The following MEF2A variants were observed in gnomAD, a reference collection of about 807,000 sequenced individuals.
MEF2A encodes myocyte-specific enhancer factor 2A.
In MEF2A, 28 loss-of-function variants were observed where a neutral mutation model predicts 55.8. The observed-to-expected ratio is 0.50, with a 90% confidence interval of 0.37 to 0.69. MEF2A has a LOEUF of 0.69. Among genes scored for constraint, MEF2A ranks in the 30% least tolerant of loss-of-function variants. The probability of loss-of-function intolerance (pLI) is 0.00; values close to 1 mark genes in which losing one functional copy is unlikely to be tolerated. For missense variants in MEF2A, 528 were observed against 626.2 expected, an observed-to-expected ratio of 0.84 and a Z score of 1.67; for synonymous variants, 239 against 227.1, an observed-to-expected ratio of 1.05 and a Z score of -0.47.
intron 4 of MEF2A, among the ~76,000 whole-genome samples, chr15:99,662,151 A>C (rs1317239782): frequency 1.3e-5 from 2 of 152,190 alleles, no homozygotes; most frequent in Non-Finnish European, 2.9e-5. Flanking sequence ...GATGGTATTA[A>C]CTGTAAAGGT....
At chr15:99,682,237 C>T (rs1300536900) in intron 7 of MEF2A, among the ~76,000 whole-genome samples, 3 of 152,186 alleles carry the variant, frequency 2.0e-5, no homozygotes, top group Admixed American at 1.3e-4. Context: ...ATGGAATTGA[C>T]TGACCTATCT....
At chr15:99,668,539 G>T (rs975015242) in intron 4 of MEF2A, among the ~76,000 whole-genome samples, 1 of 152,220 alleles carries the variant, frequency 6.6e-6, no homozygotes, top group Non-Finnish European at 1.5e-5. Flanking sequence ...ATTTACTTTA[G>T]AATGGATTAT....
At chr15:99,697,406 TTAA>T (rs1306157122) in intron 8 of MEF2A, among the ~76,000 whole-genome samples, 1 of 151,652 alleles carries the variant, frequency 6.6e-6, no homozygotes, top group East Asian at 1.9e-4. Flanking sequence ...GGGTACAAAG[TTAA>T]TATATAAAAA....
intron 7 of MEF2A, among the ~76,000 whole-genome samples, chr15:99,679,170 G>C (rs754174518): frequency 6.6e-6 from 1 of 152,208 alleles, no homozygotes; most frequent in Non-Finnish European, 1.5e-5. Flanking sequence ...GGCATTATCT[G>C]CCTAAGCTGC....
chr15:99,641,647 C>A (rs866740698), intron 3 of MEF2A, among the ~76,000 whole-genome samples: 1 of 152,036 alleles, frequency 6.6e-6, no homozygotes, highest in Non-Finnish European at 1.5e-5. Flanking sequence ...GGCATGAACT[C>A]GGGAGGCGGA....
intron 8 of MEF2A, among the ~76,000 whole-genome samples, chr15:99,700,767 A>G (rs927769792): frequency 4.6e-5 from 7 of 152,196 alleles, no homozygotes; most frequent in Non-Finnish European, 1.0e-4. Flanking sequence ...AGTGCGTATC[A>G]AAAGTCACGG....
At chr15:99,605,843 G>A (rs1345218777) in intron 2 of MEF2A, among the ~76,000 whole-genome samples, 3 of 152,088 alleles carry the variant, frequency 2.0e-5, no homozygotes, top group Non-Finnish European at 2.9e-5. Context: ...GGTGACGCAT[G>A]CCTGTAGTCG....
At chr15:99,647,128 A>G (rs2046087888) in intron 4 of MEF2A, among the ~76,000 whole-genome samples, 1 of 152,258 alleles carries the variant, frequency 6.6e-6, no homozygotes, top group East Asian at 1.9e-4. Context: ...GTTATGTTAT[A>G]TGTTATCATT....
intron 1 of MEF2A, among the ~76,000 whole-genome samples, chr15:99,569,930 C>T (rs1408184918): frequency 1.3e-5 from 2 of 151,544 alleles, no homozygotes; most frequent in Non-Finnish European, 2.9e-5. Context: ...AGTGTAAATC[C>T]ATTTGTTAAT....
intron 11 of MEF2A, 70 bp downstream of exon 11, chr15:99,710,830 G>T (rs914329224): frequency 3.9e-6 from 6 of 1,526,580 alleles, no homozygotes; most frequent in Admixed American, 1.9e-5. Context: ...ATCAGTGACA[G>T]CCTTTTGCTC....
chr15:99,706,569 TTA>T, intron 9 of MEF2A, 158 bp from the exon 10 acceptor site: 1 of 688,460 alleles, frequency 1.5e-6, no homozygotes, highest in South Asian at 2.0e-5. Context: ...AATTAAATAT[TTA>T]GTTATTCTCA....
intron 4 of MEF2A, among the ~76,000 whole-genome samples, chr15:99,663,962 G>A (rs933932790): frequency 2.0e-5 from 3 of 152,150 alleles, no homozygotes; most frequent in Non-Finnish European, 2.9e-5. Flanking sequence ...ATGTTTCCTT[G>A]AATTTGAAAG....
chr15:99,604,037 A>T (rs544111409), intron 2 of MEF2A, among the ~76,000 whole-genome samples: 3 of 152,300 alleles, frequency 2.0e-5, no homozygotes, highest in Non-Finnish European at 2.9e-5. Flanking sequence ...TCTGACAAAA[A>T]GTCTGCTGTT....
At chr15:99,662,509 C>G (rs2048827394) in intron 4 of MEF2A, among the ~76,000 whole-genome samples, 2 of 144,598 alleles carry the variant, frequency 1.4e-5, no homozygotes, top group Admixed American at 1.4e-4. Context: ...GAGTCTTGTT[C>G]TGTCACCCAG....
intron 2 of MEF2A, among the ~76,000 whole-genome samples, chr15:99,628,654 A>G (rs1260712491): frequency 6.6e-6 from 1 of 152,178 alleles, no homozygotes; most frequent in African/African-American, 2.4e-5. Flanking sequence ...TTCCTAATCA[A>G]TGAAAGGATT....
At chr15:99,603,543 T>TGTGTG (rs141750262) in intron 2 of MEF2A, among the ~76,000 whole-genome samples, 3 of 126,422 alleles carry the variant, frequency 2.4e-5, no homozygotes, top group African/African-American at 8.8e-5. Flanking sequence ...CTGGCTGATT[T>TGTGTG]TGTGTGTGTG....
chr15:99,643,257 T>A (rs1466444512), intron 3 of MEF2A, among the ~76,000 whole-genome samples: 1 of 152,186 alleles, frequency 6.6e-6, no homozygotes, highest in Non-Finnish European at 1.5e-5. Context: ...TTTTACTGAT[T>A]TTTCACTTTT....
chr15:99,653,232 G>C lies in MEF2A; in HGVS notation c.258+7468G>C, dbSNP rs145361880. Among the ~76,000 whole-genome samples, 633 of 152,218 alleles carry C rather than the reference G, an allele frequency of 4.2e-3. 5 individuals are homozygous for C. The highest frequency in any genetic ancestry group is 0.014 in the African/African-American group (589 of 41,526). On this transcript the variant is annotated intron_variant, in intron 4 of 11. Coordinates refer to ENST00000557942, the MANE Select transcript of MEF2A (RefSeq NM_001319206.4). ...TTTCAGTTCTCTTATATATAGATGGGTAATGCGGACATGCAGTTTTGTGAA... is the reference window on the plus strand; with the variant it reads ...TTTCAGTTCTCTTATATATAGATGGCTAATGCGGACATGCAGTTTTGTGAA...
At chr15:99,706,907 TCAA>T (rs1274633091) in intron 10 of MEF2A, 52 bp downstream of exon 10, 4 of 1,574,876 alleles carry the variant, frequency 2.5e-6, no homozygotes, top group Non-Finnish European at 3.5e-6. Flanking sequence ...TGTTTTGTGA[TCAA>T]CGTGTGCTTC....
Sources: gnomAD v4.1 joint callset for allele counts (sites outside exome capture counted in the v4.1 genomes callset) on GRCh38, gnomAD v4.1.1 for gene constraint, MANE v1.5 for transcripts, NCBI Gene and HGNC (gene_info 2026-07-23, HGNC 2026-07-21) for gene names.